SLC12A1: variants seen among roughly 807,000 people sequenced by gnomAD.
SLC12A1 encodes the protein Na-K-2Cl cotransporter.
In SLC12A1, 89 loss-of-function variants were observed where a neutral mutation model predicts 130.4. The ratio of observed to expected loss-of-function variants is 0.68; its 90% confidence interval spans 0.58 to 0.81. SLC12A1 has a LOEUF of 0.81. Ranked by LOEUF, SLC12A1 falls within the 40% of genes least tolerant of loss-of-function variation. The probability of loss-of-function intolerance (pLI) is 0.00; values close to 1 mark genes in which losing one functional copy is unlikely to be tolerated. For missense variants in SLC12A1, 1,310 were observed against 1,336.4 expected, an observed-to-expected ratio of 0.98 and a Z score of 0.31; for synonymous variants, 499 against 460.0, an observed-to-expected ratio of 1.08 and a Z score of -1.09.
intron 2 of SLC12A1, among the ~76,000 whole-genome samples, chr15:48,210,112 A>G (rs1056370046): frequency 6.6e-6 from 1 of 152,204 alleles, no homozygotes; most frequent in Non-Finnish European, 1.5e-5. Context: ...TGGCAGAGAG[A>G]AAAAGGAGAA....
intron 18 of SLC12A1, among the ~76,000 whole-genome samples, chr15:48,269,170 G>C (rs1358818248): frequency 1.3e-5 from 2 of 152,114 alleles, no homozygotes; most frequent in African/African-American, 4.8e-5. Context: ...TCACATAAAA[G>C]AATTAGGTTT....
chr15:48,270,206 C>T lies in SLC12A1; in HGVS notation c.2402+442C>T, dbSNP rs553015679. Among the ~76,000 whole-genome samples, 29 of 152,230 alleles carry T rather than the reference C, an allele frequency of 1.9e-4. No homozygotes were observed. In the South Asian group the frequency reaches 4.2e-3, roughly 22 times the overall value. On this transcript the variant is annotated intron_variant, in intron 19 of 26. Coordinates refer to ENST00000380993, the MANE Select transcript of SLC12A1 (RefSeq NM_000338.3). ...CCCTCTGCTAAGAGGCTCCCATATG[C>T]CAGGTGCTTCTGCTACCAGGTGGAG...
chr15:48,269,501 C>T lies in SLC12A1; in HGVS notation c.2296-157C>T, dbSNP rs36123824. Among the ~76,000 whole-genome samples, 3,357 of 152,242 alleles carry T rather than the reference C, an allele frequency of 0.022. 125 individuals are homozygous for T. The highest frequency in any genetic ancestry group is 0.077 in the African/African-American group (3,197 of 41,522). On this transcript the variant is annotated intron_variant, in intron 18 of 26. Coordinates refer to ENST00000380993, the MANE Select transcript of SLC12A1 (RefSeq NM_000338.3). ...TTAGAATTAATCTTTCCATTTTATG[C>T]TTGGGTACGGGCATGAAGGACATGC...
intron 9 of SLC12A1, among the ~76,000 whole-genome samples, chr15:48,240,074 TATATATATATATATATCC>T (rs1484944561): frequency 0.038 from 2,953 of 77,870 alleles, 357 homozygotes; most frequent in African/African-American, 0.21. Flanking sequence ...TATATATCCA[TATATATATATATATATCC>T]ATATATATAT....
At chr15:48,293,202 C>A (rs997718926) in intron 24 of SLC12A1, among the ~76,000 whole-genome samples, 1 of 152,232 alleles carries the variant, frequency 6.6e-6, no homozygotes, top group African/African-American at 2.4e-5. Context: ...AGCCATCACA[C>A]CTGGCAACAC....
chr15:48,217,028 C>G (rs2041130110), intron 2 of SLC12A1, among the ~76,000 whole-genome samples: 1 of 152,096 alleles, frequency 6.6e-6, no homozygotes, highest in Non-Finnish European at 1.5e-5. Context: ...GTGGAAAATA[C>G]ACACTGAATA....
At chr15:48,271,026 C>CCAGCCTGGCCAGA in intron 19 of SLC12A1, among the ~76,000 whole-genome samples, 1 of 150,954 alleles carries the variant, frequency 6.6e-6, no homozygotes, top group South Asian at 2.1e-4. Flanking sequence ...GAGTTCCAGA[C>CCAGCCTGGCCAGA]CAGCCTGGCC....
At chr15:48,230,560 G>T in intron 7 of SLC12A1, 57 bp downstream of exon 7, 2 of 1,082,950 alleles carry the variant, frequency 1.8e-6, no homozygotes, top group Non-Finnish European at 2.8e-6. Flanking sequence ...TGAACAAATT[G>T]CAGGAGTAGA....
intron 2 of SLC12A1, among the ~76,000 whole-genome samples, chr15:48,218,536 CAA>C (rs1253152277): frequency 1.3e-5 from 2 of 152,072 alleles, no homozygotes; most frequent in Non-Finnish European, 2.9e-5. Flanking sequence ...ATGGCAAGGG[CAA>C]GAGCTTCAAT....
chr15:48,237,130 A>C, intron 9 of SLC12A1: 1 of 660,084 alleles, frequency 1.5e-6, no homozygotes, highest in Non-Finnish European at 2.7e-6. Flanking sequence ...CTGTCCCCTC[A>C]AAAAGTAAAG....
intron 6 of SLC12A1, 132 bp downstream of exon 6, chr15:48,229,460 T>C (rs1007322985): frequency 4.1e-5 from 36 of 867,732 alleles, no homozygotes; most frequent in Middle Eastern, 3.4e-4. Context: ...GAGCCTGGGC[T>C]TGGCATCAGA....
intron 9 of SLC12A1, chr15:48,237,229 A>G: frequency 1.3e-5 from 7 of 557,188 alleles, no homozygotes; most frequent in Non-Finnish European, 1.6e-5. Context: ...CGGACATTTG[A>G]AACAGAAGGA....
At position 48,301,339 on chromosome 15, in the gene SLC12A1, G is replaced by A. The variant is rs1275819425; in HGVS notation, c.3121G>A (p.Glu1041Lys). ...GAGTTACCGCCAAGTTCGACTGAAT[G>A]AACTCTTACAGGAGCACTCCAGAGC... The part of the protein sequence containing the change: ...EKSYRQVRLN[E>K]LLQEHSRAAN... Residue 1041 changes from glutamate to lysine, a missense_variant, in exon 26 of 27, where the codon GAA (glutamate) becomes AAA (lysine). By Grantham distance (56) the Glu-to-Lys change is moderately conservative. Coordinates refer to ENST00000380993, the MANE Select transcript of SLC12A1 (RefSeq NM_000338.3). The A allele has an allele frequency of 6.2e-7, 1 of 1,601,390 alleles. No individual in the cohort carries two copies. The highest frequency in any genetic ancestry group is 8.5e-7 in the Non-Finnish European group (1 of 1,173,584).
At chr15:48,281,204 T>A (rs531849300) in intron 20 of SLC12A1, among the ~76,000 whole-genome samples, 1 of 152,334 alleles carries the variant, frequency 6.6e-6, no homozygotes, top group African/African-American at 2.4e-5. Context: ...CCAATGGGAA[T>A]AATTATAGTA....
chr15:48,210,194 T>A (rs1057231495), intron 2 of SLC12A1, among the ~76,000 whole-genome samples: 1 of 152,086 alleles, frequency 6.6e-6, no homozygotes, highest in Non-Finnish European at 1.5e-5. Context: ...AGAAACAAAT[T>A]TAGGGCATTA....
At chr15:48,263,574 A>G (rs994202396) in intron 17 of SLC12A1, among the ~76,000 whole-genome samples, 1 of 152,172 alleles carries the variant, frequency 6.6e-6, no homozygotes, top group African/African-American at 2.4e-5. Flanking sequence ...CCTTTAATTT[A>G]TATTCTACTT....
At position 48,246,772 on chromosome 15, in the gene SLC12A1, T is replaced by C. The variant is rs565287237; in HGVS notation, c.1453-137T>C. 1.1e-5 allele frequency: 8 copies of C among 698,340 alleles called. No individual in the cohort carries two copies. The African/African-American group carries it at 1.4e-4, about 12-fold the overall frequency. The allele number at this position is 698,340 out of a possible 1,614,324, so 43.3% of individuals were successfully genotyped here. ...TCCAGCCTGGGCGATAGAGCGAGAC[T>C]GTCTCAAACAAACAACAACAACAAG... On this transcript the variant is annotated intron_variant, in intron 11 of 26. Coordinates refer to ENST00000380993, the MANE Select transcript of SLC12A1 (RefSeq NM_000338.3).
intron 10 of SLC12A1, among the ~76,000 whole-genome samples, chr15:48,243,367 T>A (rs1415614907): frequency 6.6e-6 from 1 of 151,350 alleles, no homozygotes; most frequent in African/African-American, 2.4e-5. Flanking sequence ...GATAAAAGAG[T>A]CTATAATTGG....
chr15:48,276,215 A>G (rs2041951749), intron 20 of SLC12A1, among the ~76,000 whole-genome samples: 1 of 152,188 alleles, frequency 6.6e-6, no homozygotes, highest in South Asian at 2.1e-4. Context: ...GCCTGGCTCA[A>G]TTTCAAACAA....
Sources: gnomAD v4.1 joint callset for allele counts (sites outside exome capture counted in the v4.1 genomes callset) on GRCh38, gnomAD v4.1.1 for gene constraint, MANE v1.5 for transcripts, NCBI Gene and HGNC (gene_info 2026-07-23, HGNC 2026-07-21) for gene names.